Variants in SPON1 observed in about 807,000 individuals in gnomAD.
SPON1 encodes spondin 1, also known as spondin-1.
Under a neutral mutation model 111.7 loss-of-function variants are expected in SPON1, and 52 were observed. The observed-to-expected ratio is 0.47, with a 90% CI of 0.37 to 0.59. The LOEUF is 0.59. Ranked by LOEUF, SPON1 falls within the 20% of genes least tolerant of loss-of-function variation. SPON1 has a pLI of 0.00. For missense variants in SPON1, 957 were observed against 1,068.5 expected (o/e 0.90, Z 1.46); for synonymous variants, 410 against 395.8 (o/e 1.04, Z -0.43).
At chr11:14,000,105 C>A (rs1848305497) in intron 2 of SPON1, among the ~76,000 whole-genome samples, 1 of 152,090 alleles carries the variant, frequency 6.6e-6, no homozygotes. Context: ...CTATGTTAGA[C>A]ATCTTTTATC....
chr11:14,006,978 A>G (rs1026976907), intron 2 of SPON1, among the ~76,000 whole-genome samples: 1 of 152,198 alleles, frequency 6.6e-6, no homozygotes, highest in African/African-American at 2.4e-5. Flanking sequence ...TTAAGGTGTC[A>G]ACAGGACCAC....
intron 5 of SPON1, among the ~76,000 whole-genome samples, chr11:14,092,947 T>A (rs1457508638): frequency 6.6e-6 from 1 of 152,172 alleles, no homozygotes; most frequent in Admixed American, 6.5e-5. Flanking sequence ...CCATCAATCT[T>A]CTGTCCTTCT....
At chr11:14,158,865 T>G (rs1053364791) in intron 6 of SPON1, among the ~76,000 whole-genome samples, 1 of 152,166 alleles carries the variant, frequency 6.6e-6, no homozygotes, top group Non-Finnish European at 1.5e-5. Flanking sequence ...GTCTTTCTCT[T>G]GCATCTTTCT....
chr11:14,156,341 G>T (rs10766156), intron 6 of SPON1, among the ~76,000 whole-genome samples: 19,025 of 96,854 alleles, frequency 0.2, 2,451 homozygotes, highest in East Asian at 0.33. Flanking sequence ...TGATGGGGTT[G>T]TTTGTTTTTT....
intron 6 of SPON1, among the ~76,000 whole-genome samples, chr11:14,158,215 G>C (rs995894655): frequency 1.3e-5 from 2 of 152,046 alleles, no homozygotes; most frequent in African/African-American, 4.8e-5. Flanking sequence ...TTTTACTTAT[G>C]GTTCACTCTT....
Position 14,076,021 on chromosome 11 carries a change from G to A in SPON1, c.553+603G>A, listed in dbSNP as rs1848914994. On this transcript the variant is annotated intron_variant, in intron 4 of 15. Coordinates refer to ENST00000576479, the MANE Select transcript of SPON1 (RefSeq NM_006108.4). Reference sequence around the variant, plus strand: ...AAGCAGAGACCTGAGTTTAGATCAGGCCCAGGTTCGGATCTGCCTCTGCCC... The same window carrying A: ...AAGCAGAGACCTGAGTTTAGATCAGACCCAGGTTCGGATCTGCCTCTGCCC... Among the ~76,000 whole-genome samples the A allele has an allele frequency of 3.3e-5, 5 of 152,100 alleles. 1 individual carries two copies. The South Asian group carries it at 1.0e-3, about 31-fold the overall frequency.
chr11:13,965,243 T>TTGAA (rs1179295221), intron 1 of SPON1, among the ~76,000 whole-genome samples: 2 of 152,208 alleles, frequency 1.3e-5, no homozygotes, highest in African/African-American at 2.4e-5. Flanking sequence ...CATGAATTAA[T>TTGAA]TGAATGAATG....
At chr11:14,066,296 C>T (rs938763307) in intron 3 of SPON1, among the ~76,000 whole-genome samples, 3 of 152,134 alleles carry the variant, frequency 2.0e-5, no homozygotes, top group Non-Finnish European at 4.4e-5. Context: ...TCACCCCAGG[C>T]TCAGGGATTA....
chr11:14,076,170 CA>C (rs1189873056), intron 4 of SPON1, among the ~76,000 whole-genome samples: 1 of 151,470 alleles, frequency 6.6e-6, no homozygotes, highest in African/African-American at 2.4e-5. Context: ...TAATCTACTG[CA>C]AAAAAAATTG....
chr11:14,086,135 A>C (rs1376084483), intron 5 of SPON1, among the ~76,000 whole-genome samples: 1 of 152,070 alleles, frequency 6.6e-6, no homozygotes, highest in African/African-American at 2.4e-5. Context: ...AGTATGCTTT[A>C]TTTCTTTCTC....
intron 6 of SPON1, among the ~76,000 whole-genome samples, chr11:14,185,868 C>T (rs186775817): frequency 2.0e-5 from 3 of 152,280 alleles, no homozygotes; most frequent in Admixed American, 2.0e-4. Flanking sequence ...TTAATATGCC[C>T]GTCTAACTGA....
chr11:14,190,627 C>CTTTTCT (rs1385540569), intron 6 of SPON1, among the ~76,000 whole-genome samples: 2 of 145,846 alleles, frequency 1.4e-5, no homozygotes, highest in Non-Finnish European at 3.0e-5. Flanking sequence ...TGCTTCTTTT[C>CTTTTCT]TTTTCTTTTT....
At chr11:14,185,345 T>C (rs570507672) in intron 6 of SPON1, among the ~76,000 whole-genome samples, 2 of 152,336 alleles carry the variant, frequency 1.3e-5, no homozygotes, top group South Asian at 2.1e-4. Flanking sequence ...AAGATCTATA[T>C]GTATGAACTG....
rs141771631 is a variant in SPON1, at chr11:14,256,529, C to T, written c.1234-88C>T. 6.2e-5 allele frequency: 53 copies of T among 858,160 alleles called. 1 individual carries two copies. Among genetic ancestry groups the T allele is most frequent in the Middle Eastern group, 4.5e-4 (2 of 4,448 alleles). The allele number at this position is 858,160 out of a possible 1,614,324, so 53.2% of individuals were successfully genotyped here. ...GGCATACGATTTGTATACAGAATGG[C>T]GATTAGATTTTAGTCCTCTTTCACC... On this transcript the variant is annotated intron_variant, in intron 9 of 15. Coordinates refer to ENST00000576479, the MANE Select transcript of SPON1 (RefSeq NM_006108.4).
intron 2 of SPON1, among the ~76,000 whole-genome samples, chr11:14,031,321 T>C (rs1289763587): frequency 2.0e-5 from 3 of 152,212 alleles, no homozygotes; most frequent in Non-Finnish European, 4.4e-5. Context: ...GTTGAAATTA[T>C]ATATTTTTAA....
intron 5 of SPON1, among the ~76,000 whole-genome samples, chr11:14,115,647 G>A (rs1014980185): frequency 1.8e-4 from 27 of 151,926 alleles, no homozygotes; most frequent in Admixed American, 3.9e-4. Context: ...TGAATCTACC[G>A]CTTTTCATTT....
At chr11:14,133,120 A>G (rs1196838002) in intron 5 of SPON1, among the ~76,000 whole-genome samples, 2 of 152,176 alleles carry the variant, frequency 1.3e-5, no homozygotes. Flanking sequence ...AGCACATAGG[A>G]TACTGCCTTA....
chr11:13,969,429 T>A (rs534387047), intron 1 of SPON1, among the ~76,000 whole-genome samples: 3 of 152,134 alleles, frequency 2.0e-5, no homozygotes, highest in Admixed American at 2.0e-4. Context: ...GGGGTGTGTA[T>A]GTGCAAGCTT....
chr11:14,040,278 T>C (rs923972794), intron 2 of SPON1, among the ~76,000 whole-genome samples: 4 of 152,134 alleles, frequency 2.6e-5, no homozygotes, highest in Non-Finnish European at 5.9e-5. Flanking sequence ...TTACATAAAA[T>C]GTGATCTATG....
Sources: gnomAD v4.1 joint callset for allele counts (sites outside exome capture counted in the v4.1 genomes callset) on GRCh38, gnomAD v4.1.1 for gene constraint, MANE v1.5 for transcripts, NCBI Gene and HGNC (gene_info 2026-07-23, HGNC 2026-07-21) for gene names.